ZNF8: variants seen among roughly 807,000 people sequenced by gnomAD.
ZNF8 encodes the protein zinc finger protein 272.
Under a neutral mutation model 12.2 loss-of-function variants are expected in ZNF8, and 9 were observed. That is an observed-to-expected ratio of 0.73 (90% CI 0.44 to 1.28). The LOEUF (loss-of-function observed/expected upper bound fraction) is 1.28. ZNF8 is among the 50% of genes most tolerant of loss of function. ZNF8 has a pLI of 0.00. For synonymous variants in ZNF8, 274 were observed against 282.3 expected (o/e 0.97, Z 0.30); for missense variants, 664 against 729.1 (o/e 0.91, Z 1.03).
rs777163618 is a variant in ZNF8, at chr19:58,295,200, C to G, written c.1392C>G (p.Asp464Glu). 3 of 1,614,212 alleles carry G rather than the reference C, an allele frequency of 1.9e-6. No individual in the cohort carries two copies. The highest frequency in any genetic ancestry group is 2.2e-5 in the South Asian group (2 of 91,092). Residue 464 changes from aspartate to glutamate, a missense_variant, in exon 4 of 4, where the codon GAC becomes GAG. Physicochemically the swap from Asp to Glu is conservative, Grantham distance 45. Transcript: ENST00000621650. The stretch of plus-strand genomic sequence containing the variant: ...AAGATGAGAGGACTCACCGAAGCGA[C>G]AGACCCTTCAAATGTAATCAGTGTG... Reference protein sequence around the residue: ...LSQDERTHRSDRPFKCNQCGK... With the variant: ...LSQDERTHRSERPFKCNQCGK...
intron 3 of ZNF8, among the ~76,000 whole-genome samples, chr19:58,289,298 C>G (rs1417294286): frequency 6.6e-6 from 1 of 152,086 alleles, no homozygotes; most frequent in Non-Finnish European, 1.5e-5. Flanking sequence ...GAGTTCGAGA[C>G]TAGCCTGGCC....
intron 3 of ZNF8, among the ~76,000 whole-genome samples, chr19:58,290,887 C>A (rs549874353): frequency 6.6e-6 from 1 of 152,236 alleles, no homozygotes; most frequent in East Asian, 1.9e-4. Flanking sequence ...CACATCTCTA[C>A]AAAAAATGCA....
rs940434899 is a variant in ZNF8, at chr19:58,296,973, T to G, written c.*1437T>G. On this transcript the variant is annotated 3_prime_UTR_variant, in exon 4 of 4. Transcript: ENST00000621650. The stretch of plus-strand genomic sequence containing the variant: ...GCAGCCAGCTGTGGTGGCTCACGCT[T>G]GTGATCCCAGCACTGTGGGAGGCTG... 2 of 152,346 alleles carry G rather than the reference T, an allele frequency of 1.3e-5. No individual in the cohort carries two copies. The highest frequency in any genetic ancestry group is 3.9e-4 in the East Asian group (2 of 5,182). 9.4% of individuals were successfully genotyped at this position (152,346 alleles called of 1,614,324 possible).
intron 3 of ZNF8, among the ~76,000 whole-genome samples, chr19:58,292,950 G>GT (rs113810291): frequency 0.016 from 2,205 of 142,076 alleles, 11 homozygotes; most frequent in Non-Finnish European, 0.02. Context: ...TAGAGAGTCA[G>GT]TTTTTTTTTT....
rs781641042 is a variant in ZNF8, at chr19:58,285,984, A to T, written c.194-126A>T. ...GGGAGGTCTGCCCTTTTCCATCACCATGCAGAGCTTCACCATGTTGTGAGG... is the reference window on the plus strand; with the variant it reads ...GGGAGGTCTGCCCTTTTCCATCACCTTGCAGAGCTTCACCATGTTGTGAGG... On this transcript the variant is annotated intron_variant, in intron 2 of 3. Transcript: ENST00000621650. 9 of 1,403,734 alleles carry T rather than the reference A, an allele frequency of 6.4e-6. No homozygotes were observed. In the South Asian group the frequency reaches 1.0e-4, roughly 16 times the overall value. 87.0% of individuals were successfully genotyped at this position (1,403,734 alleles called of 1,614,324 possible). A position where few individuals can be genotyped will look rare whatever the true frequency, so the allele number is the denominator to read the frequency against.
Position 58,302,304 on chromosome 19 carries a change from A to T in ZNF8, c.*6768A>T, listed in dbSNP as rs1432469224. 1.3e-5 allele frequency: 2 copies of T among 152,214 alleles called. No homozygotes were observed. The highest frequency in any genetic ancestry group is 2.4e-5 in the African/African-American group (1 of 41,450). The allele number at this position is 152,214 out of a possible 1,614,324, so 9.4% of individuals were successfully genotyped here. A position where few individuals can be genotyped will look rare whatever the true frequency, so the allele number is the denominator to read the frequency against. On this transcript the variant is annotated 3_prime_UTR_variant, in exon 4 of 4. Coordinates refer to ENST00000621650, the MANE Select transcript of ZNF8 (RefSeq NM_021089.3). ...AATGCATAAAAGTAAAAAAAAAATG[A>T]AAACTTGTGTAAAATTCCTCATACT... is the stretch of plus-strand genomic sequence containing the variant.
chr19:58,294,028 G>A lies in ZNF8; in HGVS notation c.290-70G>A. 7.3e-7 allele frequency: 1 copy of A among 1,378,078 alleles called. No individual in the cohort carries two copies. The highest frequency in any genetic ancestry group is 1.0e-6 in the Non-Finnish European group (1 of 1,002,848). The allele number at this position is 1,378,078 out of a possible 1,614,324, so 85.4% of individuals were successfully genotyped here. ...GACCCCATTTCAATATCAGGCCTAT[G>A]GTGTTGGAGGCCTGTCCCCCTTCCG... On this transcript the variant is annotated intron_variant, in intron 3 of 3. Coordinates refer to ENST00000621650, the MANE Select transcript of ZNF8 (RefSeq NM_021089.3). The surrounding 1 kb of genome is among the most constrained non-coding windows in gnomAD (Gnocchi z 5.5).
At chr19:58,286,030 C>T (rs1350188303) in intron 2 of ZNF8, 80 bp from the exon 3 acceptor site, 18 of 1,489,718 alleles carry the variant, frequency 1.2e-5, no homozygotes, top group East Asian at 4.6e-5. Context: ...TCCTCACAGT[C>T]GGGAGTCTGG....
Position 58,299,881 on chromosome 19 carries a change from C to T in ZNF8, c.*4345C>T, listed in dbSNP as rs2051481163. ...GGCCTCCAGGATGCCAGAGCCAGAG[C>T]TTTGTGGTTCATCTCTAGAGGTTCA... On this transcript the variant is annotated 3_prime_UTR_variant, in exon 4 of 4. Transcript: ENST00000621650. The T allele has an allele frequency of 6.6e-6, 1 of 152,186 alleles. No homozygotes were observed. The highest frequency in any genetic ancestry group is 2.1e-4 in the South Asian group (1 of 4,828). 9.4% of individuals were successfully genotyped at this position (152,186 alleles called of 1,614,324 possible). A position where few individuals can be genotyped will look rare whatever the true frequency, so the allele number is the denominator to read the frequency against.
At chr19:58,284,325 A>T (rs1299642674) in intron 1 of ZNF8, among the ~76,000 whole-genome samples, 3 of 152,230 alleles carry the variant, frequency 2.0e-5, no homozygotes, top group Non-Finnish European at 4.4e-5. Context: ...CCATGTGGCT[A>T]TCCAGATGTC....
rs2051492581 is a variant in ZNF8, at chr19:58,301,711, C to G, written c.*6175C>G. ...GTTGGCTGAGGTTATAGCAGCCCCA[C>G]AGGGTGGTAAGCTGGGATGAAGCAA... On this transcript the variant is annotated 3_prime_UTR_variant, in exon 4 of 4. Coordinates refer to ENST00000621650, the MANE Select transcript of ZNF8 (RefSeq NM_021089.3). The G allele has an allele frequency of 1.3e-5, 2 of 152,374 alleles. No homozygotes were observed. The highest frequency in any genetic ancestry group is 2.1e-4 in the South Asian group (1 of 4,834). 9.4% of individuals were successfully genotyped at this position (152,374 alleles called of 1,614,324 possible). A position where few individuals can be genotyped will look rare whatever the true frequency, so the allele number is the denominator to read the frequency against.
intron 3 of ZNF8, among the ~76,000 whole-genome samples, chr19:58,292,538 C>G (rs565281599): frequency 1.3e-5 from 2 of 152,314 alleles, no homozygotes; most frequent in South Asian, 4.1e-4. Flanking sequence ...AGGGTTTCAA[C>G]ATAGGAATTT....
chr19:58,285,949 T>A, intron 2 of ZNF8, 106 bp downstream of exon 2: 1 of 1,487,018 alleles, frequency 6.7e-7, no homozygotes, highest in South Asian at 1.3e-5. Flanking sequence ...CTATGGGGAG[T>A]GCATGAAGAG....
chr19:58,280,040 G>T (rs2051339710), intron 1 of ZNF8: 2 of 397,746 alleles, frequency 5.0e-6, no homozygotes, highest in South Asian at 2.2e-5. Flanking sequence ...TCTTGCTGTG[G>T]ATGGGGGACA....
chr19:58,285,696 A>G (rs1037440829), intron 1 of ZNF8, 21 bp from the exon 2 acceptor site: 6 of 1,613,976 alleles, frequency 3.7e-6, no homozygotes, highest in Admixed American at 1.7e-5. Flanking sequence ...CAGCTGATTG[A>G]GAATGTGTGT....
chr19:58,290,175 G>A (rs866206816), intron 3 of ZNF8, among the ~76,000 whole-genome samples: 1 of 140,412 alleles, frequency 7.1e-6, no homozygotes, highest in East Asian at 2.2e-4. Context: ...CTGCAGTGGC[G>A]CAATCTCGGC....
chr19:58,287,197 GC>G (rs1376530750), intron 3 of ZNF8, among the ~76,000 whole-genome samples: 1 of 151,890 alleles, frequency 6.6e-6, no homozygotes, highest in Admixed American at 6.6e-5. Context: ...GCACCACCAC[GC>G]CCTGGTAATT....
rs1483552574 is a variant in ZNF8 at position 58,297,690 on chromosome 19, A to G, written c.*2154A>G. The G allele has an allele frequency of 6.6e-6, 1 of 151,912 alleles. No homozygotes were observed. Among genetic ancestry groups the G allele is most frequent in the Non-Finnish European group, 1.5e-5 (1 of 67,996 alleles). 9.4% of individuals were successfully genotyped at this position (151,912 alleles called of 1,614,324 possible). The stretch of plus-strand genomic sequence containing the variant: ...CATGAGCCACTGTGCCCAGCCACTT[A>G]TTTTTCTGAGTAACCTTTAAGGATG... On this transcript the variant is annotated 3_prime_UTR_variant, in exon 4 of 4. Coordinates refer to ENST00000621650, the MANE Select transcript of ZNF8 (RefSeq NM_021089.3).
chr19:58,287,865 C>CCT (rs2051393750), intron 3 of ZNF8, among the ~76,000 whole-genome samples: 1 of 115,678 alleles, frequency 8.6e-6, no homozygotes, highest in Non-Finnish European at 1.7e-5. Context: ...TTCTTTCTTC[C>CCT]TTTTTTTTTT....
Sources: allele counts gnomAD v4.1 joint callset (sites outside exome capture counted in the v4.1 genomes callset), GRCh38; gene constraint gnomAD v4.1.1; non-coding constraint Gnocchi (gnomAD v3.1); transcripts MANE v1.5; gene names NCBI Gene and HGNC (gene_info 2026-07-23, HGNC 2026-07-21).